Variants in OR10Z1 observed in about 807,000 individuals in gnomAD.
OR10Z1 encodes the protein olfactory receptor family 10 subfamily Z member 1.
For missense variants in OR10Z1, 468 were observed against 371.0 expected (o/e 1.26, Z -2.15); for synonymous variants, 187 against 151.2 (o/e 1.24, Z -1.74).
At position 158,611,507 on chromosome 1, in the gene OR10Z1, C is replaced by T. The variant is rs1332849172; in HGVS notation, c.*4127C>T. 11 of 1,181,072 alleles carry T rather than the reference C, an allele frequency of 9.3e-6. No homozygotes were observed. The highest frequency in any genetic ancestry group is 7.2e-6 in the Non-Finnish European group (6 of 829,066). The allele number at this position is 1,181,072 out of a possible 1,614,324, so 73.2% of individuals were successfully genotyped here. Reference sequence around the variant, plus strand: ...TGGAGAGTCTCTGGAAGACGCAAGCCCTATTTCTATTACACACAATTTTTA... The same window carrying T: ...TGGAGAGTCTCTGGAAGACGCAAGCTCTATTTCTATTACACACAATTTTTA... On this transcript the variant is annotated 3_prime_UTR_variant, in exon 2 of 2. Transcript: ENST00000641002.
At position 158,611,324 on chromosome 1, in the gene OR10Z1, A is replaced by G. The variant is rs201438753; in HGVS notation, c.*3944A>G. The G allele has an allele frequency of 1.2e-6, 2 of 1,613,752 alleles. No individual in the cohort carries two copies. Among genetic ancestry groups the G allele is most frequent in the Non-Finnish European group, 1.7e-6 (2 of 1,179,804 alleles). On this transcript the variant is annotated 3_prime_UTR_variant, in exon 2 of 2. Transcript: ENST00000641002. ...AGTCATAGCCAGAGAGATGGCTTCG[A>G]CCCCGTGGGTCCATATATTGCTGCA...
At position 158,605,312 on chromosome 1, in the gene OR10Z1, T is replaced by G. The variant is rs1340088708; in HGVS notation, c.-203T>G. On this transcript the variant is annotated 5_prime_UTR_variant, in exon 1 of 2. Transcript: ENST00000641002. ...TGCATCTCAAGTCTTTCTCCTGTGG[T>G]CTATCCTGCTGGGAGGCAGTCTAGT... 1 of 152,586 alleles carries G rather than the reference T, an allele frequency of 6.6e-6. No homozygotes were observed. The highest frequency in any genetic ancestry group is 1.5e-5 in the Non-Finnish European group (1 of 68,092). 9.5% of individuals were successfully genotyped at this position (152,586 alleles called of 1,614,324 possible).
intron 1 of OR10Z1, among the ~76,000 whole-genome samples, chr1:158,605,630 G>C (rs1649030033): frequency 6.6e-6 from 1 of 152,168 alleles, no homozygotes; most frequent in Non-Finnish European, 1.5e-5. Context: ...TAGATAAAGT[G>C]ATTATCGTTG....
rs1030604421 is a variant in OR10Z1 at position 158,612,423 on chromosome 1, T to C, written c.*5043T>C. The C allele has an allele frequency of 3.6e-6, 1 of 276,512 alleles. No homozygotes were observed. The highest frequency in any genetic ancestry group is 3.8e-5 in the South Asian group (1 of 26,028). The allele number at this position is 276,512 out of a possible 1,614,324, so 17.1% of individuals were successfully genotyped here. ...CCCATGACAGATGTGTTTGCTTCTG[T>C]TACAGTGTTTTTAACTTGTAAAGTT... On this transcript the variant is annotated 3_prime_UTR_variant, in exon 2 of 2. Transcript: ENST00000641002.
At position 158,606,870 on chromosome 1, in the gene OR10Z1, G is replaced by T. The variant is rs1344101865; in HGVS notation, c.432G>T (p.Leu144=). ...TGAATCCTACCCTCTGTGCCCAGCT[G>T]GTCATTACTTCCTTCCTGACTGGAT... is the stretch of plus-strand genomic sequence containing the variant. ...SHMNPTLCAQ[L]VITSFLTGYL... is the part of the protein sequence containing the mutation. Residue 144 remains leucine, a synonymous_variant, in exon 2 of 2, where the codon CTG becomes CTT. Transcript: ENST00000641002. 1 of 1,613,938 alleles carries T rather than the reference G, an allele frequency of 6.2e-7. No individual in the cohort carries two copies. The highest frequency in any genetic ancestry group is 8.5e-7 in the Non-Finnish European group (1 of 1,179,974).
rs1318593252 is a variant in OR10Z1, at chr1:158,608,001, C to T, written c.*621C>T. 1 of 152,100 alleles carries T rather than the reference C, an allele frequency of 6.6e-6. No homozygotes were observed. The highest frequency in any genetic ancestry group is 2.4e-5 in the African/African-American group (1 of 41,404). The allele number at this position is 152,100 out of a possible 1,614,324, so 9.4% of individuals were successfully genotyped here. On this transcript the variant is annotated 3_prime_UTR_variant, in exon 2 of 2. Coordinates refer to ENST00000641002, the MANE Select transcript of OR10Z1 (RefSeq NM_001004478.2). ...GGGGCACATGTGCTTATACATTCCT[C>T]ATTGTGCTATTGACAGTAGCAAAAA...
At position 158,611,408 on chromosome 1, in the gene OR10Z1, G is replaced by A. The variant is rs1447369859; in HGVS notation, c.*4028G>A. On this transcript the variant is annotated 3_prime_UTR_variant, in exon 2 of 2. Coordinates refer to ENST00000641002, the MANE Select transcript of OR10Z1 (RefSeq NM_001004478.2). ...TAAGGGCCTGAAAAGTATAAAAAGA[G>A]AAAAATACAGTTATAGGGATTCAAA... The A allele has an allele frequency of 6.2e-7, 1 of 1,612,900 alleles. No homozygotes were observed. Among genetic ancestry groups the A allele is most frequent in the East Asian group, 2.2e-5 (1 of 44,844 alleles).
In OR10Z1 at chr1:158,607,526, C is replaced by A. The variant is rs888417472; in HGVS notation, c.*146C>A. The A allele has an allele frequency of 2.3e-5, 14 of 606,232 alleles. No homozygotes were observed. The highest frequency in any genetic ancestry group is 3.4e-5 in the Non-Finnish European group (12 of 351,516). The allele number at this position is 606,232 out of a possible 1,614,324, so 37.6% of individuals were successfully genotyped here. ...AGCCTTATCCTGCCTCTTGCCCTTC[C>A]CCCTGACTGCTTGGAATGCAGAGGC... On this transcript the variant is annotated 3_prime_UTR_variant, in exon 2 of 2. Coordinates refer to ENST00000641002, the MANE Select transcript of OR10Z1 (RefSeq NM_001004478.2).
chr1:158,607,174 A>G lies in OR10Z1; in HGVS notation c.736A>G (p.Thr246Ala), dbSNP rs1371138042. 6.2e-7 allele frequency: 1 copy of G among 1,614,020 alleles called. No homozygotes were observed. Among genetic ancestry groups the G allele is most frequent in the Admixed American group, 1.7e-5 (1 of 60,004 alleles). Residue 246 changes from threonine to alanine, a missense_variant, in exon 2 of 2, where the codon ACA becomes GCA. Thr to Ala is a moderately conservative substitution (Grantham distance 58, BLOSUM62 0). Transcript: ENST00000641002. Reference sequence around the variant, plus strand: ...CTTCTCCACTTGTGCCTCGCACCTTACAGTGGTCATTATTCATTATGGCTG... The same window carrying G: ...CTTCTCCACTTGTGCCTCGCACCTTGCAGTGGTCATTATTCATTATGGCTG... Reference protein sequence around the residue: ...KAFSTCASHLTVVIIHYGCAS... With the variant: ...KAFSTCASHLAVVIIHYGCAS...
Position 158,611,382 on chromosome 1 carries a change from G to C in OR10Z1, c.*4002G>C, listed in dbSNP as rs575868219. 10 of 1,613,620 alleles carry C rather than the reference G, an allele frequency of 6.2e-6. No homozygotes were observed. Among genetic ancestry groups the C allele is most frequent in the Non-Finnish European group, 7.6e-6 (9 of 1,179,648 alleles). On this transcript the variant is annotated 3_prime_UTR_variant, in exon 2 of 2. Transcript: ENST00000641002. ...GGCACAGAATGACACTTGCTCTGGG[G>C]TAAGGGCCTGAAAAGTATAAAAAGA...
Position 158,606,608 on chromosome 1 carries a change from C to A in OR10Z1, c.170C>A (p.Thr57Asn). ...ATCAGGCTGGATAGCCATCTGCACA[C>A]CCCCATGTACCTCTTCCTTTCCTTC... is the stretch of plus-strand genomic sequence containing the variant. ...IAIRLDSHLH[T>N]PMYLFLSFLS... Residue 57 changes from threonine to asparagine, a missense_variant, in exon 2 of 2, where the codon ACC becomes AAC. Physicochemically the swap from Thr to Asn is moderately conservative, Grantham distance 65. Coordinates refer to ENST00000641002, the MANE Select transcript of OR10Z1 (RefSeq NM_001004478.2). The A allele has an allele frequency of 1.2e-6, 2 of 1,614,056 alleles. No homozygotes were observed. The highest frequency in any genetic ancestry group is 1.7e-6 in the Non-Finnish European group (2 of 1,179,930).
At position 158,608,063 on chromosome 1, in the gene OR10Z1, C is replaced by T. The variant is rs1210943541; in HGVS notation, c.*683C>T. 1 of 152,114 alleles carries T rather than the reference C, an allele frequency of 6.6e-6. No individual in the cohort carries two copies. Among genetic ancestry groups the T allele is most frequent in the Admixed American group, 6.6e-5 (1 of 15,250 alleles). The allele number at this position is 152,114 out of a possible 1,614,324, so 9.4% of individuals were successfully genotyped here. On this transcript the variant is annotated 3_prime_UTR_variant, in exon 2 of 2. Coordinates refer to ENST00000641002, the MANE Select transcript of OR10Z1 (RefSeq NM_001004478.2). ...CTTTTTATATAGTTGTCCTCACTATCTCTGACTCTGTTACTTTGCCCTTTT... is the reference window on the plus strand; with the variant it reads ...CTTTTTATATAGTTGTCCTCACTATTTCTGACTCTGTTACTTTGCCCTTTT...
At position 158,606,547 on chromosome 1, in the gene OR10Z1, G is replaced by T. The variant is rs1649053198; in HGVS notation, c.109G>T (p.Val37Phe). 1 of 1,613,782 alleles carries T rather than the reference G, an allele frequency of 6.2e-7. No individual in the cohort carries two copies. Among genetic ancestry groups the T allele is most frequent in the Non-Finnish European group, 8.5e-7 (1 of 1,179,888 alleles). The change falls in exon 2 of 2, where the codon GTC (valine) becomes TTC (phenylalanine). Residue 37 changes from valine (V) to phenylalanine (F), a missense_variant. Coordinates refer to ENST00000641002, the MANE Select transcript of OR10Z1 (RefSeq NM_001004478.2). ...LFALFLSLYL[V>F]TLTSNVFIII... ...TGCCTTGTTCCTCTCTCTGTATCTAGTCACTCTGACCAGCAATGTCTTCAT... is the reference window on the plus strand; with the variant it reads ...TGCCTTGTTCCTCTCTCTGTATCTATTCACTCTGACCAGCAATGTCTTCAT...
rs1160934697 is a variant in OR10Z1 at position 158,607,051 on chromosome 1, T to G, written c.613T>G (p.Leu205Val). ...SELRIFILSL[L>V]VLLVSFFFIT... ...GCTGAGGATCTTTATCCTCAGTCTT[T>G]TGGTCCTCTTGGTCTCCTTCTTCTT... The change falls in exon 2 of 2, where the codon TTG becomes GTG. Residue 205 changes from leucine (L) to valine (V), a missense_variant. Transcript: ENST00000641002. 26 of 1,613,968 alleles carry G rather than the reference T, an allele frequency of 1.6e-5. No individual in the cohort carries two copies. In the East Asian group the frequency reaches 5.8e-4, roughly 36 times the overall value.
rs751922587 is a variant in OR10Z1 at position 158,608,547 on chromosome 1, A to G, written c.*1167A>G. On this transcript the variant is annotated 3_prime_UTR_variant, in exon 2 of 2. Coordinates refer to ENST00000641002, the MANE Select transcript of OR10Z1 (RefSeq NM_001004478.2). The stretch of plus-strand genomic sequence containing the variant: ...CGTCCAATAAATTCCAGTTGCTACT[A>G]TTAAAATGTGTGAAGGAAAAAGATA... 6.6e-6 allele frequency: 1 copy of G among 152,174 alleles called. No homozygotes were observed. The highest frequency in any genetic ancestry group is 6.5e-5 in the Admixed American group (1 of 15,274). The allele number at this position is 152,174 out of a possible 1,614,324, so 9.4% of individuals were successfully genotyped here. A position where few individuals can be genotyped will look rare whatever the true frequency, so the allele number is the denominator to read the frequency against.
In OR10Z1 at chr1:158,607,176, A is replaced by G. The variant is rs1452775443; in HGVS notation, c.738A>G (p.Thr246=). The change falls in exon 2 of 2, where the codon ACA becomes ACG. Residue 246 remains threonine, a synonymous_variant. Coordinates refer to ENST00000641002, the MANE Select transcript of OR10Z1 (RefSeq NM_001004478.2). ...KAFSTCASHL[T]VVIIHYGCAS... ...TCTCCACTTGTGCCTCGCACCTTAC[A>G]GTGGTCATTATTCATTATGGCTGTG... 5 of 1,613,944 alleles carry G rather than the reference A, an allele frequency of 3.1e-6. No homozygotes were observed. Among genetic ancestry groups the G allele is most frequent in the Middle Eastern group, 1.6e-4 (1 of 6,082 alleles).
At position 158,609,045 on chromosome 1, in the gene OR10Z1, A is replaced by T. The variant is rs1042472639; in HGVS notation, c.*1665A>T. 2 of 152,212 alleles carry T rather than the reference A, an allele frequency of 1.3e-5. No individual in the cohort carries two copies. Among genetic ancestry groups the T allele is most frequent in the African/African-American group, 4.8e-5 (2 of 41,442 alleles). The allele number at this position is 152,212 out of a possible 1,614,324, so 9.4% of individuals were successfully genotyped here. A position where few individuals can be genotyped will look rare whatever the true frequency, so the allele number is the denominator to read the frequency against. ...AACCCATGGATATCAGCTTAAAAAA[A>T]GGCAAAGAGGCTTGAATATGGATAG... On this transcript the variant is annotated 3_prime_UTR_variant, in exon 2 of 2. Coordinates refer to ENST00000641002, the MANE Select transcript of OR10Z1 (RefSeq NM_001004478.2).
Position 158,606,367 on chromosome 1 carries a change from T to G in OR10Z1, c.-72T>G. On this transcript the variant is annotated 5_prime_UTR_variant, in exon 2 of 2. Transcript: ENST00000641002. ...AGAAAAAGAATCCATATCATCCACC[T>G]TTTAAAGAAGTTAGGCATCTACTGG... The G allele has an allele frequency of 2.2e-6, 2 of 928,476 alleles. No individual in the cohort carries two copies. Among genetic ancestry groups the G allele is most frequent in the Non-Finnish European group, 3.4e-6 (2 of 596,928 alleles). The allele number at this position is 928,476 out of a possible 1,614,324, so 57.5% of individuals were successfully genotyped here. A position where few individuals can be genotyped will look rare whatever the true frequency, so the allele number is the denominator to read the frequency against.
At position 158,611,283 on chromosome 1, in the gene OR10Z1, T is replaced by C. The variant is rs776797243; in HGVS notation, c.*3903T>C. On this transcript the variant is annotated 3_prime_UTR_variant, in exon 2 of 2. Coordinates refer to ENST00000641002, the MANE Select transcript of OR10Z1 (RefSeq NM_001004478.2). The stretch of plus-strand genomic sequence containing the variant: ...TGCTTATTAGTTGCCAAAGTAGGAA[T>C]TGGTGAAGCCAACGTAGTCATAGCC... The C allele has an allele frequency of 3.3e-5, 54 of 1,613,652 alleles. No homozygotes were observed. The East Asian group carries it at 3.6e-4, about 11-fold the overall frequency.
Sources: gnomAD v4.1 joint callset for allele counts (sites outside exome capture counted in the v4.1 genomes callset) on GRCh38, gnomAD v4.1.1 for gene constraint, MANE v1.5 for transcripts, NCBI Gene and HGNC (gene_info 2026-07-23, HGNC 2026-07-21) for gene names.